Variants in PRKAG2 observed in about 807,000 individuals in gnomAD.
PRKAG2 encodes protein kinase AMP-activated non-catalytic subunit gamma 2.
A neutral mutation model predicts 69.6 loss-of-function variants in PRKAG2; 26 were observed. The observed-to-expected ratio is 0.37, with a 90% CI of 0.27 to 0.52. The LOEUF is 0.52. Ranked by LOEUF, PRKAG2 falls within the 20% of genes least tolerant of loss-of-function variation. PRKAG2 has a pLI of 0.90. For synonymous variants in PRKAG2, 293 were observed against 285.0 expected, an observed-to-expected ratio of 1.03 and a Z score of -0.28; for missense variants, 557 against 740.0, an observed-to-expected ratio of 0.75 and a Z score of 2.87.
At chr7:151,683,653 G>A (rs965527080) in intron 3 of PRKAG2, among the ~76,000 whole-genome samples, 8 of 152,216 alleles carry the variant, frequency 5.3e-5, no homozygotes, top group Non-Finnish European at 1.0e-4. Context: ...ATCAGAGTGA[G>A]GGGCCAGGTG....
chr7:151,698,760 G>A (rs1837148192), intron 3 of PRKAG2, among the ~76,000 whole-genome samples: 1 of 152,144 alleles, frequency 6.6e-6, no homozygotes, highest in Non-Finnish European at 1.5e-5. Flanking sequence ...GACACAAATG[G>A]ACTAACACAA....
chr7:151,575,527 T>C (rs1183359187), intron 7 of PRKAG2, among the ~76,000 whole-genome samples: 1 of 152,212 alleles, frequency 6.6e-6, no homozygotes, highest in Non-Finnish European at 1.5e-5. Flanking sequence ...CATTGTCTGC[T>C]GTGATTCATA....
intron 3 of PRKAG2, among the ~76,000 whole-genome samples, chr7:151,774,236 C>T (rs79893334): frequency 0.025 from 3,811 of 152,178 alleles, 89 homozygotes; most frequent in African/African-American, 0.053. Flanking sequence ...TGAAAGACTA[C>T]GGCAACTCCA....
Position 151,855,397 on chromosome 7 carries a change from CACACACCACCCTCCACATACACCATG to C in PRKAG2, c.114+21084_114+21109del, listed in dbSNP as rs1442149186. 5.4e-4 allele frequency among the ~76,000 whole-genome samples: 9 copies of C among 16,784 alleles called. 2 individuals are homozygous for C. Among genetic ancestry groups the C allele is most frequent in the Non-Finnish European group, 1.1e-3 (9 of 8,376 alleles). 11.0% of individuals were successfully genotyped at this position (16,784 alleles called of 152,430 possible). On this transcript the variant is annotated intron_variant, in intron 1 of 15. Transcript: ENST00000287878. ...CACACCGCCCTCCACACACACCATC[CACACACCACCCTCCACATACACCATG>C]CTCCACACACACCGCCCTCCACACA...
intron 1 of PRKAG2, among the ~76,000 whole-genome samples, chr7:151,857,276 C>T (rs1192655071): frequency 7.2e-5 from 11 of 152,136 alleles, no homozygotes; most frequent in African/African-American, 2.4e-4. Flanking sequence ...CTCCTGCCAG[C>T]TCCCAGCTCC....
chr7:151,866,007 A>G (rs927284439), intron 1 of PRKAG2, among the ~76,000 whole-genome samples: 17 of 149,488 alleles, frequency 1.1e-4, no homozygotes, highest in South Asian at 4.3e-4. Context: ...GTGACAGAGC[A>G]AGACTCTGTC....
chr7:151,709,626 A>G (rs1257274606), intron 3 of PRKAG2, among the ~76,000 whole-genome samples: 1 of 152,202 alleles, frequency 6.6e-6, no homozygotes, highest in Non-Finnish European at 1.5e-5. Context: ...TGACACTGAC[A>G]CATGTGACTG....
chr7:151,559,600 T>C (rs529608600), intron 15 of PRKAG2: 12 of 985,362 alleles, frequency 1.2e-5, no homozygotes, highest in African/African-American at 1.7e-5. Context: ...ATAAGACATG[T>C]TTCTTGCAGG....
intron 6 of PRKAG2, among the ~76,000 whole-genome samples, chr7:151,594,663 T>C (rs1389811410): frequency 6.6e-6 from 1 of 152,218 alleles, no homozygotes; most frequent in Non-Finnish European, 1.5e-5. Context: ...GAGGATATAC[T>C]GAGCGAGGCC....
intron 4 of PRKAG2, among the ~76,000 whole-genome samples, chr7:151,641,195 C>T (rs1388554573): frequency 1.3e-5 from 2 of 151,426 alleles, no homozygotes; most frequent in African/African-American, 4.9e-5. Flanking sequence ...GCTTTGCCAG[C>T]TCTTGCCACC....
At chr7:151,773,767 C>T (rs1309700500) in intron 3 of PRKAG2, among the ~76,000 whole-genome samples, 1 of 152,206 alleles carries the variant, frequency 6.6e-6, no homozygotes, top group Non-Finnish European at 1.5e-5. Context: ...TCACCCTAAA[C>T]CAACTTGCAA....
chr7:151,838,246 C>T (rs1381162621), intron 1 of PRKAG2, among the ~76,000 whole-genome samples: 6 of 152,162 alleles, frequency 3.9e-5, no homozygotes, highest in African/African-American at 9.7e-5. Flanking sequence ...CTGGGGTCAG[C>T]GGGGCTGTGG....
intron 4 of PRKAG2, among the ~76,000 whole-genome samples, chr7:151,663,956 G>A (rs1163926295): frequency 1.3e-5 from 2 of 152,186 alleles, no homozygotes; most frequent in African/African-American, 4.8e-5. Flanking sequence ...AGTCTCTGTT[G>A]CAGCAACTCA....
At chr7:151,606,021 T>C (rs1817492740) in intron 5 of PRKAG2, among the ~76,000 whole-genome samples, 1 of 151,624 alleles carries the variant, frequency 6.6e-6, no homozygotes, top group African/African-American at 2.4e-5. Context: ...CACTCCAGCC[T>C]GGGGAACAGA....
Position 151,632,451 on chromosome 7 carries a change from A to C in PRKAG2, c.685-313T>G. On this transcript the variant is annotated intron_variant, in intron 4 of 15. Transcript: ENST00000287878. This position sits in a 1 kb window ranked among gnomAD's most constrained non-coding sequence, Gnocchi z 4.2. ...GCGTGGGAAGGGACCCGGGAGCTCG[A>C]GGGCGGCAGCGCCTGGGCCCGGGGC... The C allele has an allele frequency of 3.2e-6, 2 of 631,456 alleles. No individual in the cohort carries two copies. The highest frequency in any genetic ancestry group is 3.9e-6 in the Non-Finnish European group (2 of 507,682). 39.1% of individuals were successfully genotyped at this position (631,456 alleles called of 1,614,324 possible). A position where few individuals can be genotyped will look rare whatever the true frequency, so the allele number is the denominator to read the frequency against.
chr7:151,791,375 A>G (rs1350248304), intron 1 of PRKAG2, among the ~76,000 whole-genome samples: 1 of 152,136 alleles, frequency 6.6e-6, no homozygotes, highest in Non-Finnish European at 1.5e-5. Flanking sequence ...TTCTAAATTT[A>G]AAACTCCTGC....
In PRKAG2 at chr7:151,583,482, C is replaced by T. The variant is rs780703071; in HGVS notation, c.865-7030G>A. ...GGGCCTGACGCTTCTGTGGTTTTGC[C>T]GACCTTCTTTGCAATAACGAGGCCT... On this transcript the variant is annotated intron_variant, in intron 6 of 15. Transcript: ENST00000287878. This position sits in a 1 kb window ranked among gnomAD's most constrained non-coding sequence, Gnocchi z 4.1. Among the ~76,000 whole-genome samples, 11 of 152,138 alleles carry T rather than the reference C, an allele frequency of 7.2e-5. No homozygotes were observed. Among genetic ancestry groups the T allele is most frequent in the African/African-American group, 2.2e-4 (9 of 41,422 alleles).
At chr7:151,602,406 G>A (rs1816334709) in intron 5 of PRKAG2, among the ~76,000 whole-genome samples, 1 of 152,104 alleles carries the variant, frequency 6.6e-6, no homozygotes, top group African/African-American at 2.4e-5. Context: ...TATTATACAT[G>A]TTAGTATTAC....
intron 3 of PRKAG2, among the ~76,000 whole-genome samples, chr7:151,747,756 T>C (rs1157948092): frequency 2.6e-5 from 4 of 152,174 alleles, no homozygotes; most frequent in Non-Finnish European, 5.9e-5. Flanking sequence ...AAAGTCATTC[T>C]ACCACTTGAT....
Sources: gnomAD v4.1 joint callset for allele counts (sites outside exome capture counted in the v4.1 genomes callset) on GRCh38, gnomAD v4.1.1 for gene constraint, Gnocchi (gnomAD v3.1) non-coding constraint, MANE v1.5 for transcripts, NCBI Gene and HGNC (gene_info 2026-07-23, HGNC 2026-07-21) for gene names.